Variants in ELAVL3 observed in about 807,000 individuals in gnomAD.
ELAVL3 encodes ELAV like RNA binding protein 3, also known as ELAV-like protein 3.
Under a neutral mutation model 34.2 loss-of-function variants are expected in ELAVL3, and 8 were observed. That is an observed-to-expected ratio of 0.23 (90% CI 0.14 to 0.42). The LOEUF is 0.42. Ranked by LOEUF, ELAVL3 falls within the 10% of genes least tolerant of loss-of-function variation. The pLI is 1.00. For missense variants in ELAVL3, 273 were observed against 518.8 expected (o/e 0.53, Z 4.60); for synonymous variants, 209 against 222.1 (o/e 0.94, Z 0.53).
At chr19:11,457,577 T>A (rs989068492) in intron 5 of ELAVL3, among the ~76,000 whole-genome samples, 21 of 152,218 alleles carry the variant, frequency 1.4e-4, no homozygotes, top group African/African-American at 5.1e-4. Flanking sequence ...GCTATGAGCT[T>A]GGACTCCAGG....
Position 11,466,343 on chromosome 19 carries a change from C to T in ELAVL3, c.230-68G>A, listed in dbSNP as rs764981126. On this transcript the variant is annotated intron_variant, in intron 2 of 6. Transcript: ENST00000359227. The surrounding 1 kb of genome is among the most constrained non-coding windows in gnomAD (Gnocchi z 5.0). ...ACACCTGCCAGTGTCCCACCTCAGG[C>T]CTGAGAGACTGTCCCCTCCCCACCA... 5 of 1,442,296 alleles carry T rather than the reference C, an allele frequency of 3.5e-6. No individual in the cohort carries two copies. The highest frequency in any genetic ancestry group is 4.9e-6 in the Non-Finnish European group (5 of 1,026,464). 89.3% of individuals were successfully genotyped at this position (1,442,296 alleles called of 1,614,324 possible). A position where few individuals can be genotyped will look rare whatever the true frequency, so the allele number is the denominator to read the frequency against.
At chr19:11,460,090 C>T (rs970909892) in intron 3 of ELAVL3, among the ~76,000 whole-genome samples, 2 of 152,130 alleles carry the variant, frequency 1.3e-5, no homozygotes, top group East Asian at 1.9e-4. Flanking sequence ...CTCCTGCTCC[C>T]GCCCGCCTCC....
chr19:11,474,817 A>G (rs1200966926), intron 1 of ELAVL3, among the ~76,000 whole-genome samples: 1 of 152,086 alleles, frequency 6.6e-6, no homozygotes, highest in Non-Finnish European at 1.5e-5. Context: ...GCATGGGGCA[A>G]TACTGCTATT....
chr19:11,477,046 G>A (rs542025123), intron 1 of ELAVL3, among the ~76,000 whole-genome samples: 6 of 152,100 alleles, frequency 3.9e-5, no homozygotes, highest in Non-Finnish European at 5.9e-5. Flanking sequence ...GCTCTCTGCC[G>A]TGCCCTGGGC....
intron 1 of ELAVL3, among the ~76,000 whole-genome samples, chr19:11,477,408 T>C (rs1046531271): frequency 6.6e-6 from 1 of 152,158 alleles, no homozygotes; most frequent in African/African-American, 2.4e-5. Flanking sequence ...CCCAAGTAGC[T>C]GGGACTATAG....
At chr19:11,477,691 A>ATT (rs963586249) in intron 1 of ELAVL3, among the ~76,000 whole-genome samples, 54 of 120,146 alleles carry the variant, frequency 4.5e-4, no homozygotes, top group South Asian at 1.1e-3. Flanking sequence ...CTAGATCCCT[A>ATT]TTTTTTTTTT....
At chr19:11,464,167 A>ATATTTTT (rs1319720810) in intron 3 of ELAVL3, among the ~76,000 whole-genome samples, 4 of 103,850 alleles carry the variant, frequency 3.9e-5, no homozygotes, top group African/African-American at 1.3e-4. Flanking sequence ...ATATATATAT[A>ATATTTTT]TTTTTTTTTT....
rs1214525434 is a variant in ELAVL3 at position 11,452,098 on chromosome 19, AATTCTC to A, written c.*2422_*2427del. 6.6e-6 allele frequency: 1 copy of A among 152,226 alleles called. No homozygotes were observed. Among genetic ancestry groups the A allele is most frequent in the East Asian group, 1.9e-4 (1 of 5,198 alleles). 9.4% of individuals were successfully genotyped at this position (152,226 alleles called of 1,614,324 possible). A position where few individuals can be genotyped will look rare whatever the true frequency, so the allele number is the denominator to read the frequency against. On this transcript the variant is annotated 3_prime_UTR_variant, in exon 7 of 7. Transcript: ENST00000359227. ...TTCACCAGCTAAATAGGACTGAAAA[AATTCTC>A]AAGACAAGAGCAAAAAGAATCCCAT...
intron 3 of ELAVL3, among the ~76,000 whole-genome samples, chr19:11,464,973 CACAT>C (rs1216025225): frequency 7.5e-6 from 1 of 132,560 alleles, no homozygotes; most frequent in Non-Finnish European, 1.6e-5. Context: ...ACCAGACACA[CACAT>C]ACACCACACA....
intron 3 of ELAVL3, among the ~76,000 whole-genome samples, chr19:11,462,505 CGG>C (rs1970909406): frequency 6.6e-6 from 1 of 151,574 alleles, no homozygotes; most frequent in Non-Finnish European, 1.5e-5. Flanking sequence ...GGCGTGGTGG[CGG>C]GCGCCTGTAA....
rs539389362 is a variant in ELAVL3, at chr19:11,451,617, C to T, written c.*2909G>A. 1 of 151,594 alleles carries T rather than the reference C, an allele frequency of 6.6e-6. No individual in the cohort carries two copies. The highest frequency in any genetic ancestry group is 1.5e-5 in the Non-Finnish European group (1 of 67,774). The allele number at this position is 151,594 out of a possible 1,614,324, so 9.4% of individuals were successfully genotyped here. On this transcript the variant is annotated 3_prime_UTR_variant, in exon 7 of 7. Coordinates refer to ENST00000359227, the MANE Select transcript of ELAVL3 (RefSeq NM_001420.4). ...GGTGGAGGGGCTGAGCCCCCTCCCC[C>T]CTGGCCTGGCCCCTGCCCCCCAGGG...
intron 1 of ELAVL3, among the ~76,000 whole-genome samples, chr19:11,473,193 G>A (rs1250251441): frequency 1.3e-5 from 2 of 151,932 alleles, no homozygotes; most frequent in African/African-American, 2.4e-5. Context: ...GCGAAACTCC[G>A]TCTTTACTAA....
chr19:11,459,663 T>G (rs1298247585), intron 3 of ELAVL3, among the ~76,000 whole-genome samples: 1 of 152,108 alleles, frequency 6.6e-6, no homozygotes, highest in Non-Finnish European at 1.5e-5. Context: ...TTCTCCCATC[T>G]CGGCCTCCCA....
chr19:11,472,834 G>C (rs181716588), intron 1 of ELAVL3, among the ~76,000 whole-genome samples: 40 of 152,194 alleles, frequency 2.6e-4, no homozygotes, highest in Middle Eastern at 3.4e-3. Context: ...GGAGACCAAG[G>C]GGGGGTGGAT....
chr19:11,469,791 C>T (rs7257898), intron 1 of ELAVL3, among the ~76,000 whole-genome samples: 7,303 of 152,252 alleles, frequency 0.048, 213 homozygotes, highest in East Asian at 0.11. Context: ...GGTACAGTGA[C>T]TTACGCCTGT....
intron 1 of ELAVL3, among the ~76,000 whole-genome samples, chr19:11,475,073 C>T (rs1008057501): frequency 1.3e-5 from 2 of 152,180 alleles, no homozygotes; most frequent in South Asian, 2.1e-4. Flanking sequence ...TGATCCACTG[C>T]CTCGGCCTCC....
At chr19:11,469,158 G>A (rs2144902480) in intron 1 of ELAVL3, among the ~76,000 whole-genome samples, 1 of 152,162 alleles carries the variant, frequency 6.6e-6, no homozygotes, top group South Asian at 2.1e-4. Context: ...GAACTCCTGG[G>A]CTCAAGCAAT....
rs183517990 is a variant in ELAVL3, at chr19:11,458,424, C to T, written c.487+34G>A. 2,973 of 1,613,082 alleles carry T rather than the reference C, an allele frequency of 1.8e-3. 3 individuals carry two copies. Among genetic ancestry groups the T allele is most frequent in the Non-Finnish European group, 2.2e-3 (2,565 of 1,179,630 alleles). On this transcript the variant is annotated intron_variant, in intron 4 of 6. Coordinates refer to ENST00000359227, the MANE Select transcript of ELAVL3 (RefSeq NM_001420.4). The surrounding 1 kb of genome is among the most constrained non-coding windows in gnomAD (Gnocchi z 7.3). ...CCCACCTGACTGCCTTTGCCCAGCG[C>T]CCCCGCCAGGTGCACCCTCCCTGAC...
At chr19:11,468,009 C>T (rs939173524) in intron 1 of ELAVL3, among the ~76,000 whole-genome samples, 1 of 152,186 alleles carries the variant, frequency 6.6e-6, no homozygotes, top group African/African-American at 2.4e-5. Context: ...AGGCCGGTCT[C>T]AAACTCTTGG....
Sources: gnomAD v4.1 joint callset for allele counts (sites outside exome capture counted in the v4.1 genomes callset) on GRCh38, gnomAD v4.1.1 for gene constraint, Gnocchi (gnomAD v3.1) non-coding constraint, MANE v1.5 for transcripts, NCBI Gene and HGNC (gene_info 2026-07-23, HGNC 2026-07-21) for gene names.